The following CFAP44 variants were observed in gnomAD, a reference collection of about 807,000 sequenced individuals.
The protein encoded by CFAP44 is cilia- and flagella-associated protein 44.
A neutral mutation model predicts 216.2 loss-of-function variants in CFAP44; 134 were observed. The ratio of observed to expected loss-of-function variants is 0.62; its 90% CI spans 0.54 to 0.72. CFAP44 has a LOEUF of 0.72. CFAP44 is among the 30% of genes least tolerant of loss of function. CFAP44 has a pLI of 0.00. For missense variants in CFAP44, 2,035 were observed against 2,182.1 expected, an observed-to-expected ratio of 0.93 and a Z score of 1.34; for synonymous variants, 700 against 727.6, an observed-to-expected ratio of 0.96 and a Z score of 0.61.
intron 13 of CFAP44, 45 bp from the exon 14 acceptor site, chr3:113,396,772 A>G: frequency 6.4e-7 from 1 of 1,563,636 alleles, no homozygotes; most frequent in Non-Finnish European, 8.8e-7. Flanking sequence ...AGTTAAATTG[A>G]GAAAGTTGTA....
chr3:113,361,361 CA>C (rs1250852124), intron 21 of CFAP44: 1 of 208,140 alleles, frequency 4.8e-6, no homozygotes, highest in Non-Finnish European at 1.0e-5. Flanking sequence ...ATAATTTTGC[CA>C]ACTCAACATG....
At chr3:113,313,830 T>C (rs1214619094) in intron 28 of CFAP44, among the ~76,000 whole-genome samples, 1 of 152,190 alleles carries the variant, frequency 6.6e-6, no homozygotes, top group Non-Finnish European at 1.5e-5. Context: ...CATGTGGAAG[T>C]GTAAGTCCAA....
chr3:113,358,607 A>T, intron 22 of CFAP44, 138 bp downstream of exon 22: 1 of 1,123,722 alleles, frequency 8.9e-7, no homozygotes, highest in Middle Eastern at 3.0e-4. Flanking sequence ...AGCAGTGACA[A>T]GAGGATTCCT....
At position 113,419,942 on chromosome 3, in the gene CFAP44, C is replaced by G. The variant is rs558352996; in HGVS notation, c.570+75G>C. ...GTGCATGGTGTTGGCATCTAACAAC[C>G]ATGTTGGCTGGTCCACAGAACAAGC... On this transcript the variant is annotated intron_variant, in intron 5 of 34. Transcript: ENST00000393845. 6.2e-5 allele frequency: 92 copies of G among 1,492,280 alleles called. No individual in the cohort carries two copies. The African/African-American group carries it at 1.2e-3, about 19-fold the overall frequency. The allele number at this position is 1,492,280 out of a possible 1,614,324, so 92.4% of individuals were successfully genotyped here. A position where few individuals can be genotyped will look rare whatever the true frequency, so the allele number is the denominator to read the frequency against.
chr3:113,363,132 A>T lies in CFAP44; in HGVS notation c.2934+13T>A, dbSNP rs1403914845. On this transcript the variant is annotated intron_variant, in intron 21 of 34. Transcript: ENST00000393845. ...ATATGTTAAAATAAAAATCAAGTTTATATTAGGCTTACTGTTCGTTTAAAC... is the reference window on the plus strand; with the variant it reads ...ATATGTTAAAATAAAAATCAAGTTTTTATTAGGCTTACTGTTCGTTTAAAC... 5 of 1,562,612 alleles carry T rather than the reference A, an allele frequency of 3.2e-6. No homozygotes were observed. The highest frequency in any genetic ancestry group is 4.3e-6 in the Non-Finnish European group (5 of 1,158,708).
intron 23 of CFAP44, 102 bp downstream of exon 23, chr3:113,344,414 G>C: frequency 1.0e-6 from 1 of 979,706 alleles, no homozygotes; most frequent in African/African-American, 1.7e-5. Context: ...GCAAGAGATT[G>C]AGCTCAAGCC....
At chr3:113,298,986 TTATGA>T (rs1176717949) in intron 32 of CFAP44, among the ~76,000 whole-genome samples, 1 of 152,224 alleles carries the variant, frequency 6.6e-6, no homozygotes, top group Non-Finnish European at 1.5e-5. Flanking sequence ...ATCATAAATG[TTATGA>T]TATGTACATT....
At chr3:113,345,059 C>T (rs534452674) in intron 22 of CFAP44, among the ~76,000 whole-genome samples, 2 of 148,356 alleles carry the variant, frequency 1.3e-5, no homozygotes, top group East Asian at 2.0e-4. Context: ...CATCTCCCTA[C>T]ATATTATATA....
At chr3:113,366,452 T>A in intron 18 of CFAP44, 143 bp from the exon 19 acceptor site, 1 of 906,142 alleles carries the variant, frequency 1.1e-6, no homozygotes, top group African/African-American at 1.7e-5. Context: ...ATTGAAGCCC[T>A]AACCCCTAAT....
intron 22 of CFAP44, among the ~76,000 whole-genome samples, chr3:113,348,515 T>C (rs892035267): frequency 1.3e-5 from 2 of 152,198 alleles, no homozygotes; most frequent in African/African-American, 2.4e-5. Flanking sequence ...TGAAGGAGAA[T>C]ACACAGCTAT....
At chr3:113,356,744 G>A (rs1950495263) in intron 22 of CFAP44, among the ~76,000 whole-genome samples, 1 of 152,104 alleles carries the variant, frequency 6.6e-6, no homozygotes, top group African/African-American at 2.4e-5. Context: ...TGAATTGGGA[G>A]TAGGCAAAAG....
At chr3:113,313,548 G>A (rs114933575) in intron 28 of CFAP44, among the ~76,000 whole-genome samples, 6,278 of 152,090 alleles carry the variant, frequency 0.041, 467 homozygotes, top group African/African-American at 0.14. Flanking sequence ...GCAAGGGGGC[G>A]GAATGATATG....
chr3:113,325,551 T>C (rs1365425181), intron 28 of CFAP44, among the ~76,000 whole-genome samples: 1 of 151,874 alleles, frequency 6.6e-6, no homozygotes, highest in Non-Finnish European at 1.5e-5. Context: ...TTCACGCCAT[T>C]CTCCTGTCTC....
At chr3:113,354,104 T>TAATGTAAC (rs1950472371) in intron 22 of CFAP44, among the ~76,000 whole-genome samples, 1 of 152,110 alleles carries the variant, frequency 6.6e-6, no homozygotes, top group South Asian at 2.1e-4. Context: ...AAAAAAATCT[T>TAATGTAAC]TTTCCATGTA....
chr3:113,306,067 A>G (rs1949982676), intron 30 of CFAP44, 134 bp downstream of exon 30: 1 of 1,138,670 alleles, frequency 8.8e-7, no homozygotes, highest in African/African-American at 1.6e-5. Flanking sequence ...AGGGAGAAAA[A>G]AACCTGCCCT....
rs552836132 is a variant in CFAP44 at position 113,419,458 on chromosome 3, T to G, written c.570+559A>C. ...ATAAATTATTGCTGAACTTATTAAT[T>G]AGTCTTATAACAAACTCTCCGAGGA... On this transcript the variant is annotated intron_variant, in intron 5 of 34. Transcript: ENST00000393845. Among the ~76,000 whole-genome samples the G allele has an allele frequency of 5.3e-5, 8 of 152,348 alleles. No homozygotes were observed. In the South Asian group the frequency reaches 1.7e-3, roughly 32 times the overall value.
chr3:113,303,004 T>C (rs538431916), intron 32 of CFAP44, among the ~76,000 whole-genome samples: 33 of 152,090 alleles, frequency 2.2e-4, no homozygotes, highest in African/African-American at 8.0e-4. Flanking sequence ...TCACCAGCAA[T>C]CAAAAAATGT....
At chr3:113,384,201 GGTGCCC>G (rs1235966874) in intron 15 of CFAP44, among the ~76,000 whole-genome samples, 1 of 152,066 alleles carries the variant, frequency 6.6e-6, no homozygotes, top group East Asian at 1.9e-4. Flanking sequence ...TGGGACTGCA[GGTGCCC>G]GCCACCACGC....
chr3:113,304,512 G>T (rs1207032030), intron 31 of CFAP44, among the ~76,000 whole-genome samples: 1 of 152,110 alleles, frequency 6.6e-6, no homozygotes, highest in Non-Finnish European at 1.5e-5. Context: ...CTCTTAACCT[G>T]ACAAAGGAGA....
Sources: allele counts gnomAD v4.1 joint callset (sites outside exome capture counted in the v4.1 genomes callset), GRCh38; gene constraint gnomAD v4.1.1; transcripts MANE v1.5; gene names NCBI Gene and HGNC (gene_info 2026-07-23, HGNC 2026-07-21).